Variants in DAB1 observed in about 807,000 individuals in gnomAD.
DAB1 encodes disabled homolog 1.
A neutral mutation model predicts 64.6 loss-of-function variants in DAB1; 15 were observed. That is an observed-to-expected ratio of 0.23 (90% CI 0.16 to 0.36). The LOEUF (loss-of-function observed/expected upper bound fraction) is 0.36. Among genes scored for constraint, DAB1 ranks in the 10% least tolerant of loss-of-function variants. The probability of loss-of-function intolerance (pLI) is 1.00; values close to 1 mark genes in which losing one functional copy is unlikely to be tolerated. For synonymous variants in DAB1, 235 were observed against 251.9 expected, an observed-to-expected ratio of 0.93 and a Z score of 0.64; for missense variants, 596 against 706.7, an observed-to-expected ratio of 0.84 and a Z score of 1.78.
intron 1 of DAB1, among the ~76,000 whole-genome samples, chr1:57,317,385 A>T (rs1226624793): frequency 2.0e-5 from 3 of 152,232 alleles, no homozygotes; most frequent in African/African-American, 7.2e-5. Flanking sequence ...TGCTTTTTTA[A>T]ACTGCTACAT....
At chr1:58,198,388 C>T (rs1257353203) in intron 4 of DAB1, among the ~76,000 whole-genome samples, 2 of 152,126 alleles carry the variant, frequency 1.3e-5, no homozygotes, top group Non-Finnish European at 2.9e-5. Flanking sequence ...GTGGCTGGGA[C>T]AGGTAGCAGA....
chr1:57,193,667 G>C (rs913403956), intron 2 of DAB1, among the ~76,000 whole-genome samples: 1 of 152,152 alleles, frequency 6.6e-6, no homozygotes, highest in Non-Finnish European at 1.5e-5. Context: ...TTGTAGGCTT[G>C]AGCCATGCAT....
chr1:57,237,732 A>G (rs1233010066), intron 2 of DAB1, among the ~76,000 whole-genome samples: 1 of 152,216 alleles, frequency 6.6e-6, no homozygotes, highest in Non-Finnish European at 1.5e-5. Context: ...GTAAAGGCTC[A>G]GAGAGATTAC....
In DAB1 at chr1:57,944,148, A is replaced by C. The variant is rs116531856; in HGVS notation, n.388-59986T>G. Among the ~76,000 whole-genome samples, 226 of 152,278 alleles carry C rather than the reference A, an allele frequency of 1.5e-3. 1 individual carries two copies. The highest frequency in any genetic ancestry group is 5.2e-3 in the African/African-American group (217 of 41,552). ...ATAATCTCTTCCCACTGGCTCCACC[A>C]GTCTCACATCCCACAGCCATCCCAC... is the stretch of plus-strand genomic sequence containing the variant. On this transcript the variant is annotated intron_variant and non_coding_transcript_variant, in intron 5 of 20. Transcript: ENST00000485760.
At chr1:57,386,942 C>T (rs564773933) in intron 1 of DAB1, 1 of 152,216 alleles carries the variant, frequency 6.6e-6, no homozygotes, top group South Asian at 2.1e-4. Flanking sequence ...TCCAGGAAGC[C>T]ATCTAATTCC....
intron 7 of DAB1, among the ~76,000 whole-genome samples, chr1:57,559,268 G>A (rs1297818969): frequency 3.3e-5 from 5 of 152,114 alleles, no homozygotes; most frequent in African/African-American, 9.7e-5. Flanking sequence ...CTTCTATTTC[G>A]AATGGATCAT....
chr1:57,450,728 T>G (rs1222495160), intron 7 of DAB1, among the ~76,000 whole-genome samples: 1 of 152,212 alleles, frequency 6.6e-6, no homozygotes, highest in East Asian at 1.9e-4. Context: ...TAAACCTTCT[T>G]TGTTGATCCA....
chr1:57,382,314 T>A (rs1681447866), intron 1 of DAB1, among the ~76,000 whole-genome samples: 1 of 152,138 alleles, frequency 6.6e-6, no homozygotes, highest in Non-Finnish European at 1.5e-5. Context: ...TTTGCTTGAG[T>A]CAGTTTCCTC....
At chr1:58,224,820 T>C (rs564611275) in intron 4 of DAB1, among the ~76,000 whole-genome samples, 19 of 152,170 alleles carry the variant, frequency 1.2e-4, no homozygotes, top group African/African-American at 3.9e-4. Context: ...TCAAGATGGA[T>C]TAAAGACTTA....
At chr1:57,405,798 C>G (rs1304506058) in intron 1 of DAB1, among the ~76,000 whole-genome samples, 3 of 152,214 alleles carry the variant, frequency 2.0e-5, no homozygotes, top group Admixed American at 1.3e-4. Context: ...TTATACCGTA[C>G]CTGATACACA....
intron 5 of DAB1, among the ~76,000 whole-genome samples, chr1:57,916,730 G>C (rs1447663943): frequency 6.6e-6 from 1 of 152,248 alleles, no homozygotes; most frequent in East Asian, 1.9e-4. Context: ...CTGAGGTCAG[G>C]AGTTCAAGAC....
chr1:57,062,857 C>G (rs1650536946), intron 9 of DAB1, 27 bp downstream of exon 9: 1 of 1,601,464 alleles, frequency 6.2e-7, no homozygotes, highest in East Asian at 2.2e-5. Context: ...TCACGGAAAC[C>G]TGGCAGTGGA....
intron 6 of DAB1, among the ~76,000 whole-genome samples, chr1:57,799,399 G>T (rs930904268): frequency 1.3e-5 from 2 of 152,112 alleles, no homozygotes; most frequent in African/African-American, 2.4e-5. Flanking sequence ...TTTGAAAAGA[G>T]TGGATGGAAC....
intron 7 of DAB1, among the ~76,000 whole-genome samples, chr1:57,473,947 T>C (rs752917633): frequency 6.6e-6 from 1 of 152,146 alleles, no homozygotes; most frequent in Non-Finnish European, 1.5e-5. Context: ...TCTCAAGAAA[T>C]GAAAATGTGT....
intron 1 of DAB1, among the ~76,000 whole-genome samples, chr1:57,847,113 T>A (rs1022796912): frequency 1.3e-5 from 2 of 152,156 alleles, no homozygotes; most frequent in Non-Finnish European, 2.9e-5. Flanking sequence ...GGAACAGCCA[T>A]CACTATTCCT....
chr1:57,665,582 G>T (rs2101675972), intron 6 of DAB1, among the ~76,000 whole-genome samples: 1 of 152,220 alleles, frequency 6.6e-6, no homozygotes, highest in African/African-American at 2.4e-5. Context: ...TTTATGACAG[G>T]ATAATTGGAA....
chr1:58,315,506 G>C (rs1250901646), intron 4 of DAB1, among the ~76,000 whole-genome samples: 2 of 152,144 alleles, frequency 1.3e-5, no homozygotes, highest in Non-Finnish European at 2.9e-5. Context: ...CCATGTGTTG[G>C]GTGCTGGGGT....
downstream of DAB1, among the ~76,000 whole-genome samples, chr1:57,823,275 G>A (rs576749182): frequency 1.1e-4 from 17 of 151,902 alleles, no homozygotes; most frequent in African/African-American, 3.6e-4. Flanking sequence ...GAGCCACTGC[G>A]CCCAGCTGAA....
intron 11 of DAB1, among the ~76,000 whole-genome samples, chr1:57,019,272 G>A (rs1646537009): frequency 6.6e-6 from 1 of 152,170 alleles, no homozygotes; most frequent in Non-Finnish European, 1.5e-5. Context: ...TTTTCCCGGT[G>A]TCTAATTAAA....
Sources: allele counts gnomAD v4.1 joint callset (sites outside exome capture counted in the v4.1 genomes callset), GRCh38; gene constraint gnomAD v4.1.1; transcripts MANE v1.5; gene names NCBI Gene and HGNC (gene_info 2026-07-23, HGNC 2026-07-21).